Variants in GRIA1 observed in about 807,000 individuals in gnomAD.
GRIA1 encodes glutamate ionotropic receptor AMPA type subunit 1, also known as glutamate receptor 1.
GRIA1 carries 31 observed loss-of-function variants against 99.2 expected under a neutral mutation model. The ratio of observed to expected loss-of-function variants is 0.31; its 90% confidence interval spans 0.23 to 0.42. The LOEUF (loss-of-function observed/expected upper bound fraction) is 0.42, where lower values mean the gene tolerates loss of function less well. Ranked by LOEUF, GRIA1 falls within the 10% of genes least tolerant of loss-of-function variation. The pLI is 1.00. For synonymous variants in GRIA1, 438 were observed against 432.4 expected (o/e 1.01, Z -0.16); for missense variants, 782 against 1,157.5 (o/e 0.68, Z 4.71).
intron 13 of GRIA1, among the ~76,000 whole-genome samples, chr5:153,787,133 C>T (rs1765015272): frequency 6.6e-6 from 1 of 152,166 alleles, no homozygotes; most frequent in African/African-American, 2.4e-5. Context: ...TTTTTTCAAA[C>T]TTTAATTTCC....
chr5:153,583,037 A>G (rs1763179530), intron 2 of GRIA1, among the ~76,000 whole-genome samples: 1 of 152,042 alleles, frequency 6.6e-6, no homozygotes, highest in Non-Finnish European at 1.5e-5. Context: ...ACCTCAAGCA[A>G]TTCTCCCACC....
intron 4 of GRIA1, among the ~76,000 whole-genome samples, chr5:153,652,443 A>G (rs980290261): frequency 5.9e-5 from 9 of 152,140 alleles, no homozygotes; most frequent in Non-Finnish European, 1.2e-4. Context: ...CAATTCCCCT[A>G]TTTTATAGAT....
chr5:153,676,430 G>A (rs1418574358), intron 6 of GRIA1, among the ~76,000 whole-genome samples: 3 of 152,228 alleles, frequency 2.0e-5, no homozygotes, highest in Non-Finnish European at 2.9e-5. Flanking sequence ...AAAGAATGAG[G>A]GGAAAGTTTA....
At chr5:153,808,061 CAA>C (rs1340792053) in intron 15 of GRIA1, among the ~76,000 whole-genome samples, 5 of 152,234 alleles carry the variant, frequency 3.3e-5, no homozygotes. Context: ...CCTGCCTGAG[CAA>C]AGACATTACT....
intron 6 of GRIA1, among the ~76,000 whole-genome samples, chr5:153,676,594 C>T (rs1756602877): frequency 1.3e-5 from 2 of 152,132 alleles, no homozygotes; most frequent in African/African-American, 4.8e-5. Context: ...CCGGGATAAA[C>T]CAGCTGATTT....
intron 11 of GRIA1, among the ~76,000 whole-genome samples, chr5:153,753,604 T>C (rs879660625): frequency 6.6e-6 from 1 of 152,138 alleles, no homozygotes; most frequent in Non-Finnish European, 1.5e-5. Context: ...GATCAGAATA[T>C]TCCTATTTCT....
intron 11 of GRIA1, among the ~76,000 whole-genome samples, chr5:153,742,237 C>A (rs537658806): frequency 6.6e-6 from 1 of 152,060 alleles, no homozygotes; most frequent in Non-Finnish European, 1.5e-5. Flanking sequence ...TATGGGGAAG[C>A]AAGATAAGAA....
intron 13 of GRIA1, among the ~76,000 whole-genome samples, chr5:153,782,424 C>T (rs1273917329): frequency 6.6e-6 from 1 of 152,306 alleles, no homozygotes; most frequent in South Asian, 2.1e-4. Flanking sequence ...ACAGTCTCCA[C>T]TCATTCCAGT....
chr5:153,671,266 C>G (rs1322958262), intron 5 of GRIA1, among the ~76,000 whole-genome samples: 1 of 152,184 alleles, frequency 6.6e-6, no homozygotes, highest in Non-Finnish European at 1.5e-5. Context: ...TGGAAGCAGT[C>G]AGTATGAAAT....
chr5:153,696,063 C>T (rs1758070856), intron 8 of GRIA1, among the ~76,000 whole-genome samples: 1 of 152,162 alleles, frequency 6.6e-6, no homozygotes, highest in African/African-American at 2.4e-5. Flanking sequence ...TGGGAACGTA[C>T]ACAAGGTACT....
chr5:153,539,555 G>A (rs1758877260), intron 2 of GRIA1, among the ~76,000 whole-genome samples: 1 of 152,238 alleles, frequency 6.6e-6, no homozygotes, highest in Non-Finnish European at 1.5e-5. Flanking sequence ...TATATGGCTA[G>A]CTCACCTTCT....
chr5:153,655,070 C>G (rs1450842047), intron 4 of GRIA1, among the ~76,000 whole-genome samples: 2 of 152,188 alleles, frequency 1.3e-5, no homozygotes, highest in Admixed American at 6.6e-5. Context: ...GAAAAGTTCA[C>G]AGGAGTCAGG....
chr5:153,534,742 G>A (rs577990932), intron 2 of GRIA1, among the ~76,000 whole-genome samples: 1 of 152,234 alleles, frequency 6.6e-6, no homozygotes, highest in South Asian at 2.1e-4. Flanking sequence ...CATCTATGAA[G>A]TTGGATTTTA....
intron 2 of GRIA1, among the ~76,000 whole-genome samples, chr5:153,629,544 C>A (rs1327271257): frequency 6.6e-6 from 1 of 152,240 alleles, no homozygotes; most frequent in Non-Finnish European, 1.5e-5. Context: ...CAGGACAACT[C>A]TAGCTGTGCA....
At chr5:153,666,367 G>A (rs531212840) in intron 5 of GRIA1, among the ~76,000 whole-genome samples, 1 of 152,252 alleles carries the variant, frequency 6.6e-6, no homozygotes, top group South Asian at 2.1e-4. Flanking sequence ...TAGAGAGATA[G>A]GAATAAAGTG....
At chr5:153,504,638 A>C (rs1472335672) in intron 2 of GRIA1, among the ~76,000 whole-genome samples, 1 of 152,070 alleles carries the variant, frequency 6.6e-6, no homozygotes, top group Non-Finnish European at 1.5e-5. Flanking sequence ...AAAGGTCTGA[A>C]ATTCAGGCTT....
chr5:153,808,397 T>G (rs1581691784), intron 15 of GRIA1, among the ~76,000 whole-genome samples: 1 of 145,124 alleles, frequency 6.9e-6, no homozygotes. Flanking sequence ...GGGCGGGGAG[T>G]GGGGGGGAGT....
intron 4 of GRIA1, among the ~76,000 whole-genome samples, chr5:153,653,758 T>C (rs1356058316): frequency 6.6e-6 from 1 of 152,212 alleles, no homozygotes; most frequent in East Asian, 1.9e-4. Context: ...ACTTGCTCAA[T>C]GCTGTTTCCC....
intron 2 of GRIA1, among the ~76,000 whole-genome samples, chr5:153,582,144 G>C (rs1201861668): frequency 6.6e-6 from 1 of 152,204 alleles, no homozygotes; most frequent in East Asian, 1.9e-4. Context: ...ATTATCCAAT[G>C]AATATTTGTT....
Sources: allele counts gnomAD v4.1 joint callset (sites outside exome capture counted in the v4.1 genomes callset), GRCh38; gene constraint gnomAD v4.1.1; transcripts MANE v1.5; gene names NCBI Gene and HGNC (gene_info 2026-07-23, HGNC 2026-07-21).